Variants in FRS2 observed in about 807,000 individuals in gnomAD.
FRS2 encodes the protein FGFR signalling adaptor.
In FRS2, 8 loss-of-function variants were observed where a neutral mutation model predicts 43.9. That is an observed-to-expected ratio of 0.18 (90% confidence interval 0.11 to 0.33). The LOEUF is 0.33. Among genes scored for constraint, FRS2 ranks in the 10% least tolerant of loss-of-function variants. The pLI, the probability that FRS2 is intolerant of heterozygous loss-of-function variation, is 1.00. For missense variants in FRS2, 534 were observed against 627.6 expected (o/e 0.85, Z 1.59); for synonymous variants, 219 against 220.3 (o/e 0.99, Z 0.05).
chr12:69,477,772 G>T (rs570247422), intron 1 of FRS2, among the ~76,000 whole-genome samples: 1 of 148,124 alleles, frequency 6.8e-6, no homozygotes, highest in South Asian at 2.1e-4. Flanking sequence ...ACAGAGTCTC[G>T]CTCTGTTGCC....
At chr12:69,503,931 C>T (rs1483831352) in intron 1 of FRS2, among the ~76,000 whole-genome samples, 3 of 152,140 alleles carry the variant, frequency 2.0e-5, no homozygotes, top group Admixed American at 6.5e-5. Flanking sequence ...TGGCTGGGCC[C>T]GGTGGCTCAT....
chr12:69,502,650 C>T (rs1349278309), intron 1 of FRS2, among the ~76,000 whole-genome samples: 3 of 152,072 alleles, frequency 2.0e-5, no homozygotes, highest in Admixed American at 1.3e-4. Flanking sequence ...AATCTCTGTA[C>T]GGATGGAGCT....
chr12:69,555,454 A>G (rs1434078829), intron 3 of FRS2, among the ~76,000 whole-genome samples: 1 of 152,184 alleles, frequency 6.6e-6, no homozygotes, highest in African/African-American at 2.4e-5. Context: ...ACAGGGATAG[A>G]TGTGCTCGGA....
chr12:69,513,273 T>G (rs1290949396), intron 1 of FRS2, among the ~76,000 whole-genome samples: 2 of 152,160 alleles, frequency 1.3e-5, no homozygotes, highest in Non-Finnish European at 2.9e-5. Context: ...AACTCTCTTT[T>G]TTTTTAGGTT....
chr12:69,525,660 T>A (rs554389899), intron 1 of FRS2, among the ~76,000 whole-genome samples: 2 of 152,180 alleles, frequency 1.3e-5, no homozygotes, highest in Admixed American at 1.3e-4. Flanking sequence ...CTCCTTTCCT[T>A]TCCTTCATCT....
chr12:69,502,671 T>A (rs890946519), intron 1 of FRS2, among the ~76,000 whole-genome samples: 4 of 152,202 alleles, frequency 2.6e-5, no homozygotes, highest in Admixed American at 2.6e-4. Context: ...TTCATTATGA[T>A]AAGTGAGAGG....
chr12:69,486,365 A>G (rs941683281), intron 1 of FRS2: 4 of 152,080 alleles, frequency 2.6e-5, no homozygotes, highest in African/African-American at 9.7e-5. Context: ...TGATGTTACT[A>G]TTGTAATTGT....
chr12:69,545,150 A>G (rs1217971698), intron 3 of FRS2, among the ~76,000 whole-genome samples: 1 of 152,176 alleles, frequency 6.6e-6, no homozygotes, highest in Admixed American at 6.5e-5. Flanking sequence ...AAATTAAATA[A>G]ATGATAAACA....
intron 1 of FRS2, among the ~76,000 whole-genome samples, chr12:69,490,484 T>C (rs1332723115): frequency 3.3e-5 from 5 of 151,766 alleles, no homozygotes. Context: ...TTGTCCTCCT[T>C]CTTCTCTTGT....
At chr12:69,510,384 T>A (rs918491147) in intron 1 of FRS2, among the ~76,000 whole-genome samples, 8 of 152,320 alleles carry the variant, frequency 5.3e-5, no homozygotes, top group Admixed American at 4.6e-4. Context: ...ACGCTAGATA[T>A]CTGTATTACA....
chr12:69,517,505 G>GA (rs1205471664), intron 1 of FRS2, among the ~76,000 whole-genome samples: 2 of 151,526 alleles, frequency 1.3e-5, no homozygotes, highest in African/African-American at 4.9e-5. Flanking sequence ...TGCCAATGGT[G>GA]AATCTAACTA....
chr12:69,495,104 C>T (rs221103), intron 1 of FRS2, among the ~76,000 whole-genome samples: 120,601 of 152,084 alleles, frequency 0.79, 48,754 homozygotes, highest in African/African-American at 0.94. Flanking sequence ...TCCCTGGTAT[C>T]GATATGAGGA....
intron 8 of FRS2, among the ~76,000 whole-genome samples, chr12:69,572,724 C>T (rs1880867224): frequency 6.6e-6 from 1 of 152,174 alleles, no homozygotes; most frequent in Non-Finnish European, 1.5e-5. Context: ...CTGGTTGGAA[C>T]CTCTGTATTA....
chr12:69,568,016 C>T (rs577003027), intron 4 of FRS2, among the ~76,000 whole-genome samples: 5 of 152,198 alleles, frequency 3.3e-5, no homozygotes, highest in Non-Finnish European at 7.3e-5. Flanking sequence ...GTGCTTCCTT[C>T]CCTCCTCCTT....
intron 3 of FRS2, among the ~76,000 whole-genome samples, chr12:69,559,787 T>TA (rs542809585): frequency 0.013 from 1,876 of 143,340 alleles, 49 homozygotes; most frequent in East Asian, 0.096. Context: ...CCCAATGGTT[T>TA]AAAAAAAAAA....
chr12:69,478,551 G>A (rs1871055426), intron 1 of FRS2, among the ~76,000 whole-genome samples: 1 of 152,132 alleles, frequency 6.6e-6, no homozygotes, highest in Admixed American at 6.5e-5. Flanking sequence ...AGGCAGATTA[G>A]GCACTCAGTA....
intron 5 of FRS2, 71 bp from the exon 6 acceptor site, chr12:69,570,260 C>A: frequency 2.7e-6 from 3 of 1,119,984 alleles, no homozygotes; most frequent in Admixed American, 3.5e-5. Flanking sequence ...TTACAAATAA[C>A]TAATTAGCAA....
At chr12:69,502,948 C>G (rs1472541063) in intron 1 of FRS2, among the ~76,000 whole-genome samples, 1 of 152,170 alleles carries the variant, frequency 6.6e-6, no homozygotes, top group Non-Finnish European at 1.5e-5. Context: ...AATTTTGCTA[C>G]ATAACAAATT....
At position 69,493,652 on chromosome 12, in the gene FRS2, C is replaced by T. The variant is rs190316537; in HGVS notation, c.-261+23122C>T. ...AGGAGAATTGCTTGAACCCGGGAGG[C>T]GGGGGTTGTGATAAGCCGAGATCGC... On this transcript the variant is annotated intron_variant, in intron 1 of 8. Coordinates refer to ENST00000549921, the MANE Select transcript of FRS2 (RefSeq NM_001278356.2). 4.9e-3 allele frequency among the ~76,000 whole-genome samples: 748 copies of T among 152,196 alleles called. 2 individuals carry two copies. The highest frequency in any genetic ancestry group is 6.2e-3 in the Non-Finnish European group (424 of 68,002).
Sources: allele counts gnomAD v4.1 joint callset (sites outside exome capture counted in the v4.1 genomes callset), GRCh38; gene constraint gnomAD v4.1.1; transcripts MANE v1.5; gene names NCBI Gene and HGNC (gene_info 2026-07-23, HGNC 2026-07-21).